KCNMA1: variants seen among roughly 807,000 people sequenced by gnomAD.
KCNMA1 encodes potassium calcium-activated channel subfamily M alpha 1.
A neutral mutation model predicts 140.0 loss-of-function variants in KCNMA1; 29 were observed. The ratio of observed to expected loss-of-function variants is 0.21; its 90% confidence interval spans 0.15 to 0.28. The LOEUF (loss-of-function observed/expected upper bound fraction) is 0.28, where lower values mean the gene tolerates loss of function less well. Among genes scored for constraint, KCNMA1 ranks in the 10% least tolerant of loss-of-function variants. KCNMA1 has a pLI of 1.00. For synonymous variants in KCNMA1, 612 were observed against 611.9 expected, an observed-to-expected ratio of 1.00 and a Z score of 0.00; for missense variants, 880 against 1,602.2, an observed-to-expected ratio of 0.55 and a Z score of 7.70.
chr10:77,275,858 C>A (rs1049978629), intron 2 of KCNMA1, among the ~76,000 whole-genome samples: 1 of 152,200 alleles, frequency 6.6e-6, no homozygotes, highest in African/African-American at 2.4e-5. Context: ...GTTATGTAAT[C>A]CACCCTGGGA....
chr10:77,244,022 A>G (rs576667420), intron 3 of KCNMA1, among the ~76,000 whole-genome samples: 2 of 152,332 alleles, frequency 1.3e-5, no homozygotes, highest in African/African-American at 4.8e-5. Flanking sequence ...CCCCCATGAT[A>G]AGGGCCTAGA....
rs374861495 is a variant in KCNMA1, at chr10:77,485,787, G to A, written c.379-81764C>T. ...GGATCAGCCTCCACCAATAACCATG[G>A]GTGAGACTGGGACCACACTGTGTCC... On this transcript the variant is annotated intron_variant, in intron 1 of 27. Coordinates refer to ENST00000286628, the MANE Select transcript of KCNMA1 (RefSeq NM_001161352.2). Among the ~76,000 whole-genome samples, 119 of 152,244 alleles carry A rather than the reference G, an allele frequency of 7.8e-4. 1 individual carries two copies. In the South Asian group the frequency reaches 0.022, roughly 28 times the overall value.
At chr10:77,430,542 G>C (rs1252820996) in intron 1 of KCNMA1, among the ~76,000 whole-genome samples, 2 of 152,124 alleles carry the variant, frequency 1.3e-5, no homozygotes, top group African/African-American at 2.4e-5. Flanking sequence ...ACATGTTTTG[G>C]TTTATAGGCT....
chr10:77,559,669 C>T (rs987719126), intron 1 of KCNMA1, among the ~76,000 whole-genome samples: 10 of 152,084 alleles, frequency 6.6e-5, no homozygotes, highest in Non-Finnish European at 1.3e-4. Flanking sequence ...GTATCCATAC[C>T]TCTGAGTCTA....
intron 1 of KCNMA1, among the ~76,000 whole-genome samples, chr10:77,449,378 T>C (rs1190637777): frequency 6.6e-6 from 1 of 152,060 alleles, no homozygotes; most frequent in Non-Finnish European, 1.5e-5. Flanking sequence ...TCATTACATG[T>C]TTCTAGGTTT....
chr10:77,109,184 G>A (rs2097261614), intron 8 of KCNMA1, among the ~76,000 whole-genome samples: 1 of 152,186 alleles, frequency 6.6e-6, no homozygotes, highest in Non-Finnish European at 1.5e-5. Flanking sequence ...GTGGCTGGCT[G>A]GATGGGTCTT....
Position 77,415,516 on chromosome 10 carries a change from C to T in KCNMA1, c.379-11493G>A, listed in dbSNP as rs541666417. Reference sequence around the variant, plus strand: ...AGACAAGAAAACTGTGGCAGGGGCCCAGCAGGAAGGCAAAAATTACATTTG... The same window carrying T: ...AGACAAGAAAACTGTGGCAGGGGCCTAGCAGGAAGGCAAAAATTACATTTG... On this transcript the variant is annotated intron_variant, in intron 1 of 27. Coordinates refer to ENST00000286628, the MANE Select transcript of KCNMA1 (RefSeq NM_001161352.2). 3.9e-5 allele frequency among the ~76,000 whole-genome samples: 6 copies of T among 152,364 alleles called. No individual in the cohort carries two copies. In the South Asian group the frequency reaches 1.0e-3, roughly 26 times the overall value.
intron 2 of KCNMA1, among the ~76,000 whole-genome samples, chr10:77,331,386 C>T (rs1283219628): frequency 2.0e-5 from 3 of 152,118 alleles, no homozygotes; most frequent in Non-Finnish European, 2.9e-5. Context: ...TAAACATATC[C>T]ACTTCCATAA....
At chr10:77,127,415 T>C (rs1360960734) in intron 5 of KCNMA1, among the ~76,000 whole-genome samples, 1 of 152,166 alleles carries the variant, frequency 6.6e-6, no homozygotes, top group Non-Finnish European at 1.5e-5. Context: ...CTTCAGCCAG[T>C]CATTTCCAAT....
At chr10:76,964,552 T>C (rs1028378536) in intron 20 of KCNMA1, among the ~76,000 whole-genome samples, 1 of 152,124 alleles carries the variant, frequency 6.6e-6, no homozygotes, top group African/African-American at 2.4e-5. Context: ...AGGCCTGTCA[T>C]ATGCTATCAG....
chr10:77,039,736 G>A (rs1489452362), intron 14 of KCNMA1, 99 bp from the exon 15 acceptor site: 1 of 757,084 alleles, frequency 1.3e-6, no homozygotes, highest in Non-Finnish European at 2.4e-6. Flanking sequence ...GAATGCACTG[G>A]TTAGATAATG....
chr10:77,559,960 G>A (rs1207434535), intron 1 of KCNMA1, among the ~76,000 whole-genome samples: 1 of 151,938 alleles, frequency 6.6e-6, no homozygotes, highest in South Asian at 2.1e-4. Flanking sequence ...GGTGGATCAC[G>A]AGGTCAGGAG....
At chr10:76,918,300 T>C (rs2152475976) in intron 23 of KCNMA1, among the ~76,000 whole-genome samples, 1 of 152,256 alleles carries the variant, frequency 6.6e-6, no homozygotes, top group Middle Eastern at 3.4e-3. Context: ...ACTAAGAATA[T>C]CACCATTAGA....
chr10:77,591,572 C>T (rs74140181), intron 1 of KCNMA1, among the ~76,000 whole-genome samples: 6,293 of 152,248 alleles, frequency 0.041, 318 homozygotes, highest in African/African-American at 0.12. Context: ...GGGTGGGACC[C>T]AGCAATTGGT....
At position 77,400,504 on chromosome 10, in the gene KCNMA1, C is replaced by T. The variant is rs929328240; in HGVS notation, c.540+3358G>A. 5.3e-5 allele frequency among the ~76,000 whole-genome samples: 8 copies of T among 152,310 alleles called. 1 individual carries two copies. Among genetic ancestry groups the T allele is most frequent in the Admixed American group, 5.2e-4 (8 of 15,290 alleles). On this transcript the variant is annotated intron_variant, in intron 2 of 27. Coordinates refer to ENST00000286628, the MANE Select transcript of KCNMA1 (RefSeq NM_001161352.2). Reference sequence around the variant, plus strand: ...CAAAATGTCACAGCCAAAGTGACAGCTGTCAGTGGCTTAGAAAAGAAAAGG... The same window carrying T: ...CAAAATGTCACAGCCAAAGTGACAGTTGTCAGTGGCTTAGAAAAGAAAAGG...
chr10:77,566,227 G>C (rs1420420880), intron 1 of KCNMA1, among the ~76,000 whole-genome samples: 1 of 152,024 alleles, frequency 6.6e-6, no homozygotes, highest in African/African-American at 2.4e-5. Context: ...AGCCCTCTGG[G>C]GAATGTCCCC....
intron 14 of KCNMA1, among the ~76,000 whole-genome samples, chr10:77,068,164 G>A (rs745929900): frequency 6.6e-5 from 10 of 152,134 alleles, no homozygotes; most frequent in African/African-American, 9.7e-5. Flanking sequence ...TGTAAAAGGA[G>A]GATAATAATA....
At chr10:77,194,849 A>T (rs1208951677) in intron 3 of KCNMA1, among the ~76,000 whole-genome samples, 1 of 152,162 alleles carries the variant, frequency 6.6e-6, no homozygotes, top group Admixed American at 6.5e-5. Context: ...AAAAAAAAAT[A>T]ATTATGTTTA....
chr10:77,218,925 G>A (rs1477629080), intron 3 of KCNMA1, among the ~76,000 whole-genome samples: 1 of 152,166 alleles, frequency 6.6e-6, no homozygotes, highest in African/African-American at 2.4e-5. Context: ...GGCCTCAAGT[G>A]ATCTGCCCGC....
Sources: gnomAD v4.1 joint callset for allele counts (sites outside exome capture counted in the v4.1 genomes callset) on GRCh38, gnomAD v4.1.1 for gene constraint, MANE v1.5 for transcripts, NCBI Gene and HGNC (gene_info 2026-07-23, HGNC 2026-07-21) for gene names.